Variants in CATSPERT observed in about 807,000 individuals in gnomAD.
CATSPERT encodes cation channel sperm-associated targeting subunit tau.
chr2:201,547,157 G>A, the CATSPERT span, among the ~76,000 whole-genome samples: 1 of 152,108 alleles, frequency 6.6e-6, no homozygotes, highest in Non-Finnish European at 1.5e-5. Context: ...TGGCTAAAGG[G>A]TATGGGGTTG....
the CATSPERT span, among the ~76,000 whole-genome samples, chr2:201,581,477 AATATAT>A: frequency 0.022 from 332 of 14,834 alleles, 12 homozygotes; most frequent in Middle Eastern, 0.083. Context: ...CACATTCCGG[AATATAT>A]ATATATATAT....
chr2:201,580,723 A>G, the CATSPERT span, among the ~76,000 whole-genome samples: 2 of 152,204 alleles, frequency 1.3e-5, no homozygotes, highest in Non-Finnish European at 1.5e-5. Flanking sequence ...AATACTTTAG[A>G]TTGTTTATAC....
At chr2:201,560,423 AAATAATAATAATAATAATAAT>A in the CATSPERT span, among the ~76,000 whole-genome samples, 31 of 126,464 alleles carry the variant, frequency 2.5e-4, no homozygotes, top group South Asian at 1.1e-3. Flanking sequence ...ACTCTGTCTC[AAATAATAATAATAATAATAAT>A]AATAATAATA....
At chr2:201,541,689 G>A in the CATSPERT span, among the ~76,000 whole-genome samples, 2 of 150,996 alleles carry the variant, frequency 1.3e-5, no homozygotes, top group Non-Finnish European at 3.0e-5. Flanking sequence ...TCCACCTCCC[G>A]GGTTCAAGAG....
chr2:201,598,003 T>C, the CATSPERT span, among the ~76,000 whole-genome samples: 1 of 152,244 alleles, frequency 6.6e-6, no homozygotes, highest in Non-Finnish European at 1.5e-5. Flanking sequence ...TTATATACTA[T>C]ATAAAGTCAA....
chr2:201,492,044 G>C, the CATSPERT span: 2 of 1,531,740 alleles, frequency 1.3e-6, no homozygotes, highest in Admixed American at 2.0e-5. Context: ...TAACTTTTCT[G>C]TTCCTTAATT....
At chr2:201,538,371 C>G in the CATSPERT span, among the ~76,000 whole-genome samples, 1 of 151,968 alleles carries the variant, frequency 6.6e-6, no homozygotes, top group Non-Finnish European at 1.5e-5. Flanking sequence ...AATGATATCC[C>G]ATTGTATGTA....
chr2:201,592,051 C>G, the CATSPERT span, among the ~76,000 whole-genome samples: 1 of 152,062 alleles, frequency 6.6e-6, no homozygotes, highest in Non-Finnish European at 1.5e-5. Context: ...AGAGGGCAAC[C>G]CTGTCTTGTG....
the CATSPERT span, among the ~76,000 whole-genome samples, chr2:201,568,277 T>C: frequency 1.3e-4 from 20 of 152,264 alleles, no homozygotes; most frequent in East Asian, 9.7e-4. Flanking sequence ...CCAATCAGCA[T>C]GTCATCAATA....
At chr2:201,616,106 A>C in the CATSPERT span, among the ~76,000 whole-genome samples, 1 of 152,260 alleles carries the variant, frequency 6.6e-6, no homozygotes, top group Non-Finnish European at 1.5e-5. Flanking sequence ...AGACGGATTC[A>C]CAGCCAAATT....
At chr2:201,558,803 G>T in the CATSPERT span, among the ~76,000 whole-genome samples, 1 of 152,096 alleles carries the variant, frequency 6.6e-6, no homozygotes, top group Admixed American at 6.5e-5. Context: ...CTCCTCTGGG[G>T]GACAGTGGCC....
chr2:201,581,514 AT>A, the CATSPERT span, among the ~76,000 whole-genome samples: 5 of 72,952 alleles, frequency 6.9e-5, no homozygotes, highest in East Asian at 4.3e-4. Context: ...ATATATATAT[AT>A]ATATATATAA....
chr2:201,583,305 C>T, the CATSPERT span, among the ~76,000 whole-genome samples: 58 of 152,250 alleles, frequency 3.8e-4, no homozygotes, highest in African/African-American at 1.3e-3. Flanking sequence ...GCTGAGAACC[C>T]AAAGGGCTAC....
chr2:201,592,433 T>G, the CATSPERT span, among the ~76,000 whole-genome samples: 2 of 147,972 alleles, frequency 1.4e-5, no homozygotes, highest in African/African-American at 2.5e-5. Context: ...GATATTGGTC[T>G]AAAATTCTCT....
chr2:201,581,546 GTGTATA>G, the CATSPERT span, among the ~76,000 whole-genome samples: 10 of 14,720 alleles, frequency 6.8e-4, 1 homozygote, highest in South Asian at 2.6e-3. Flanking sequence ...AAAAAAATGT[GTGTATA>G]TATATATATA....
the CATSPERT span, among the ~76,000 whole-genome samples, chr2:201,609,260 A>T: frequency 5.3e-5 from 8 of 152,154 alleles, no homozygotes; most frequent in African/African-American, 1.9e-4. Flanking sequence ...TTAACACACT[A>T]CTCTCAGCAT....
At chr2:201,548,111 T>A in the CATSPERT span, among the ~76,000 whole-genome samples, 1 of 152,154 alleles carries the variant, frequency 6.6e-6, no homozygotes, top group Non-Finnish European at 1.5e-5. Context: ...GCAGGTTTGA[T>A]ACATAGGTAT....
the CATSPERT span, chr2:201,601,794 T>C: frequency 2.4e-4 from 388 of 1,611,710 alleles, no homozygotes; most frequent in African/African-American, 4.3e-3. Context: ...CTTCTCATCG[T>C]TTTTGGATAG....
At chr2:201,575,185 C>T in the CATSPERT span, 1 of 1,032,242 alleles carries the variant, frequency 9.7e-7, no homozygotes, top group Non-Finnish European at 1.4e-6. Flanking sequence ...AGAATAAAAA[C>T]ATGTAGGCTA....
Sources: allele counts gnomAD v4.1 joint callset (sites outside exome capture counted in the v4.1 genomes callset), GRCh38; gene constraint gnomAD v4.1.1; transcripts MANE v1.5; gene names NCBI Gene and HGNC (gene_info 2026-07-23, HGNC 2026-07-21).